ADGRL1: variants seen among roughly 807,000 people sequenced by gnomAD.
ADGRL1 encodes the protein adhesion G protein-coupled receptor L1.
A neutral mutation model predicts 148.9 loss-of-function variants in ADGRL1; 31 were observed. That is an observed-to-expected ratio of 0.21 (90% CI 0.16 to 0.28). ADGRL1 has a LOEUF of 0.28. Ranked by LOEUF, ADGRL1 falls within the 10% of genes least tolerant of loss-of-function variation. ADGRL1 has a pLI of 1.00. For synonymous variants in ADGRL1, 937 were observed against 900.3 expected (o/e 1.04, Z -0.73); for missense variants, 1,521 against 2,058.8 (o/e 0.74, Z 5.05).
chr19:14,189,938 T>G (rs1568624908), intron 1 of ADGRL1, among the ~76,000 whole-genome samples: 3 of 152,184 alleles, frequency 2.0e-5, no homozygotes, highest in Admixed American at 6.5e-5. Context: ...TAATAATTAT[T>G]ATTATTTTGA....
intron 1 of ADGRL1, chr19:14,191,408 T>G (rs1486486001): frequency 1.3e-5 from 6 of 456,502 alleles, no homozygotes; most frequent in Non-Finnish European, 2.6e-5. Flanking sequence ...CAGGACAAAT[T>G]CACACACGAG....
At chr19:14,193,760 C>G (rs1160253506) in intron 1 of ADGRL1, among the ~76,000 whole-genome samples, 1 of 152,190 alleles carries the variant, frequency 6.6e-6, no homozygotes, top group Non-Finnish European at 1.5e-5. Context: ...CAGACATGCA[C>G]AGAAGACCAT....
At chr19:14,158,793 T>C (rs1969036955) in intron 11 of ADGRL1, among the ~76,000 whole-genome samples, 2 of 152,192 alleles carry the variant, frequency 1.3e-5, no homozygotes, top group Non-Finnish European at 2.9e-5. Flanking sequence ...AAGCTGGGCC[T>C]CCGACCCACC....
At chr19:14,172,144 G>A (rs996916007) in intron 3 of ADGRL1, among the ~76,000 whole-genome samples, 1 of 152,194 alleles carries the variant, frequency 6.6e-6, no homozygotes, top group African/African-American at 2.4e-5. Flanking sequence ...AACACTGGCT[G>A]GGCGTGGTGG....
In ADGRL1 at chr19:14,161,638, A is replaced by G; in HGVS notation, c.1196-12T>C. 1 of 1,396,964 alleles carries G rather than the reference A, an allele frequency of 7.2e-7. No homozygotes were observed. Among genetic ancestry groups the G allele is most frequent in the East Asian group, 2.8e-5 (1 of 36,012 alleles). 86.5% of individuals were successfully genotyped at this position (1,396,964 alleles called of 1,614,324 possible). On this transcript the variant is annotated splice_polypyrimidine_tract_variant and intron_variant, in intron 5 of 22. Transcript: ENST00000361434. This position sits in a 1 kb window ranked among gnomAD's most constrained non-coding sequence, Gnocchi z 4.4. ...GGAAGTGGCTGGGCCTGGAGAGGGG[A>G]TACGAGACAGGGTCATCCCCATGCT...
At chr19:14,194,696 G>T (rs1568630118) in intron 1 of ADGRL1, among the ~76,000 whole-genome samples, 1 of 152,088 alleles carries the variant, frequency 6.6e-6, no homozygotes, top group Admixed American at 6.5e-5. Context: ...TGGGGGGCCA[G>T]AAGAGCCCCC....
rs762915128 is a variant in ADGRL1 at position 14,163,048 on chromosome 19, G to A, written c.753C>T (p.Asp251=). Residue 251 remains aspartate (D), a synonymous_variant, in exon 5 of 23, where the codon GAC becomes GAT. Transcript: ENST00000361434. The part of the protein sequence containing the change: ...ETVINTANYH[D]TSPYRWGGKT... ...TTCCGCCCCAGCGGTAGGGCGAGGT[G>A]TCATGGTAGTTGGCGGTATTGATGA... 34 of 1,614,028 alleles carry A rather than the reference G, an allele frequency of 2.1e-5. No homozygotes were observed. Among genetic ancestry groups the A allele is most frequent in the Non-Finnish European group, 2.8e-5 (33 of 1,180,042 alleles).
rs1349852683 is a variant in ADGRL1, at chr19:14,151,466, C to A, written c.3817G>T (p.Ala1273Ser). The A allele has an allele frequency of 6.2e-7, 1 of 1,612,698 alleles. No homozygotes were observed. Among genetic ancestry groups the A allele is most frequent in the South Asian group, 1.1e-5 (1 of 90,936 alleles). Residue 1273 changes from alanine to serine, a missense_variant, in exon 23 of 23, where the codon GCG (alanine) becomes TCG (serine). This residue lies in a region of ADGRL1 where 390 missense variants were observed against 375.0 expected (regional missense o/e 1.04). Coordinates refer to ENST00000361434, the MANE Select transcript of ADGRL1 (RefSeq NM_014921.5). ...PPRGRNLADA[A>S]AFEKMIISEL... Reference sequence around the variant, plus strand: ...GAGATGATCATCTTCTCAAAGGCCGCCGCATCGGCTAGGTTCCGGCCTCGG... The same window carrying A: ...GAGATGATCATCTTCTCAAAGGCCGACGCATCGGCTAGGTTCCGGCCTCGG...
At chr19:14,181,698 C>G (rs1229506967) in intron 2 of ADGRL1, among the ~76,000 whole-genome samples, 1 of 152,054 alleles carries the variant, frequency 6.6e-6, no homozygotes, top group East Asian at 1.9e-4. Context: ...CCAGCCTGGG[C>G]GACAAGAGCA....
Position 14,148,292 on chromosome 19 carries a change from G to C in ADGRL1, c.*2581C>G, listed in dbSNP as rs1377954272. 6.6e-6 allele frequency: 1 copy of C among 152,650 alleles called. No individual in the cohort carries two copies. The highest frequency in any genetic ancestry group is 1.5e-5 in the Non-Finnish European group (1 of 68,210). The allele number at this position is 152,650 out of a possible 1,614,324, so 9.5% of individuals were successfully genotyped here. ...GCAGGGGGCCCTGCCACACAGCTCT[G>C]AGGCCTGGAAGCCACCCGGCGATGC... On this transcript the variant is annotated 3_prime_UTR_variant, in exon 23 of 23. Coordinates refer to ENST00000361434, the MANE Select transcript of ADGRL1 (RefSeq NM_014921.5).
intron 1 of ADGRL1, among the ~76,000 whole-genome samples, chr19:14,184,100 T>G (rs919150928): frequency 1.3e-5 from 2 of 152,136 alleles, no homozygotes; most frequent in African/African-American, 4.8e-5. Context: ...AGGGACTCAT[T>G]GCAACCCAAC....
chr19:14,150,994 T>A lies in ADGRL1; in HGVS notation c.4289A>T (p.Asn1430Ile). Reference sequence around the variant, plus strand: ...CACCTGGTAGTAGCCCTGCAGGGGATTCCGGGCCACCAGGGCTGGCGGGCG... The same window carrying A: ...CACCTGGTAGTAGCCCTGCAGGGGAATCCGGGCCACCAGGGCTGGCGGGCG... ...TSRPPALVAR[N>I]PLQGYYQVRR... is the part of the protein sequence containing the mutation. The change falls in exon 23 of 23, where the codon AAT (asparagine) becomes ATT (isoleucine). Residue 1430 changes from asparagine to isoleucine, a missense_variant. This residue lies in a region of ADGRL1 where 390 missense variants were observed against 375.0 expected (regional missense o/e 1.04). Coordinates refer to ENST00000361434, the MANE Select transcript of ADGRL1 (RefSeq NM_014921.5). 6.4e-7 allele frequency: 1 copy of A among 1,574,758 alleles called. No individual in the cohort carries two copies. Among genetic ancestry groups the A allele is most frequent in the Non-Finnish European group, 8.6e-7 (1 of 1,159,844 alleles).
chr19:14,176,114 G>A (rs1215080738), intron 3 of ADGRL1, among the ~76,000 whole-genome samples: 1 of 151,874 alleles, frequency 6.6e-6, no homozygotes, highest in Admixed American at 6.6e-5. Flanking sequence ...CACTTTGGGA[G>A]GCCAAGTGGG....
In ADGRL1 at chr19:14,166,582, A is replaced by G. The variant is rs201411841; in HGVS notation, c.395-3176T>C. On this transcript the variant is annotated intron_variant, in intron 4 of 22. Transcript: ENST00000361434. ...AGAGACAGAGAGAGAGAGAGAGAGA[A>G]AGAGAGAGAGAGAGAGAGACAGCTC... is the stretch of plus-strand genomic sequence containing the variant. 1.7e-3 allele frequency among the ~76,000 whole-genome samples: 253 copies of G among 146,566 alleles called. 2 individuals are homozygous for G. The highest frequency in any genetic ancestry group is 5.5e-3 in the African/African-American group (217 of 39,304).
rs1568569953 is a variant in ADGRL1 at position 14,155,882 on chromosome 19, A to G, written c.3125+228T>C. 10 of 588,698 alleles carry G rather than the reference A, an allele frequency of 1.7e-5. No individual in the cohort carries two copies. The highest frequency in any genetic ancestry group is 3.0e-5 in the Non-Finnish European group (10 of 329,846). The allele number at this position is 588,698 out of a possible 1,614,324, so 36.5% of individuals were successfully genotyped here. On this transcript the variant is annotated intron_variant, in intron 17 of 22. Coordinates refer to ENST00000361434, the MANE Select transcript of ADGRL1 (RefSeq NM_014921.5). The surrounding 1 kb of genome is among the most constrained non-coding windows in gnomAD (Gnocchi z 5.0). ...CCTTTTGAATTTAGCCTCAGCCTAC[A>G]TACCGATGCCCCTAAAACCACAGGT...
At chr19:14,201,948 G>A (rs1265977937) in intron 1 of ADGRL1, among the ~76,000 whole-genome samples, 2 of 152,210 alleles carry the variant, frequency 1.3e-5, no homozygotes, top group Admixed American at 6.5e-5. Flanking sequence ...AGGTGCCTGG[G>A]AGTAAACGTT....
In ADGRL1 at chr19:14,155,683, G is replaced by T; in HGVS notation, c.3126-156C>A. 1.5e-6 allele frequency: 1 copy of T among 671,360 alleles called. No homozygotes were observed. The highest frequency in any genetic ancestry group is 2.5e-6 in the Non-Finnish European group (1 of 400,956). 41.6% of individuals were successfully genotyped at this position (671,360 alleles called of 1,614,324 possible). A position where few individuals can be genotyped will look rare whatever the true frequency, so the allele number is the denominator to read the frequency against. On this transcript the variant is annotated intron_variant, in intron 17 of 22. Coordinates refer to ENST00000361434, the MANE Select transcript of ADGRL1 (RefSeq NM_014921.5). This position sits in a 1 kb window ranked among gnomAD's most constrained non-coding sequence, Gnocchi z 5.0. ...GAGTGGGCCTTGGGGGCAGTGGCCT[G>T]CCCAGGACACCTCCACCGGAGCCTG...
chr19:14,160,156 G>A lies in ADGRL1; in HGVS notation c.1756C>T (p.Leu586=), dbSNP rs957851853. Residue 586 remains leucine (L), a synonymous_variant, in exon 8 of 23, where the codon CTG becomes TTG. Transcript: ENST00000361434. This position sits in a 1 kb window ranked among gnomAD's most constrained non-coding sequence, Gnocchi z 5.9. The part of the protein sequence containing the change: ...LDILDAQLQA[L]RPIERESAGK... ...GCTGACTCGCGCTCGATGGGCCGCA[G>A]GGCCTGCAGCTGGGCATCCAGGATG... The A allele has an allele frequency of 1.3e-6, 2 of 1,595,474 alleles. No homozygotes were observed. Among genetic ancestry groups the A allele is most frequent in the Non-Finnish European group, 1.7e-6 (2 of 1,164,970 alleles).
chr19:14,176,605 G>A (rs1970844478), intron 3 of ADGRL1, among the ~76,000 whole-genome samples: 1 of 152,076 alleles, frequency 6.6e-6, no homozygotes, highest in African/African-American at 2.4e-5. Flanking sequence ...GAGAGGCCGA[G>A]GCAGGAGGAT....
Sources: gnomAD v4.1 joint callset for allele counts (sites outside exome capture counted in the v4.1 genomes callset) on GRCh38, gnomAD v4.1.1 for gene constraint, gnomAD v4.1.1 regional missense constraint, Gnocchi (gnomAD v3.1) non-coding constraint, MANE v1.5 for transcripts, NCBI Gene and HGNC (gene_info 2026-07-23, HGNC 2026-07-21) for gene names.